INTS8: variants seen among roughly 807,000 people sequenced by gnomAD.
The protein encoded by INTS8 is protein kaonashi-1.
In INTS8, 47 loss-of-function variants were observed where a neutral mutation model predicts 138.9. That is an observed-to-expected ratio of 0.34 (90% confidence interval 0.27 to 0.43). INTS8 has a LOEUF of 0.43. INTS8 is among the 20% of genes least tolerant of loss of function. The pLI is 1.00. For synonymous variants in INTS8, 392 were observed against 400.9 expected (o/e 0.98, Z 0.27); for missense variants, 996 against 1,173.0 (o/e 0.85, Z 2.20).
chr8:94,839,465 C>T (rs534413274), intron 8 of INTS8, among the ~76,000 whole-genome samples: 5 of 152,210 alleles, frequency 3.3e-5, no homozygotes, highest in South Asian at 4.2e-4. Context: ...TTTGTGTCTC[C>T]AATTGGGTAT....
intron 1 of INTS8, 50 bp from the exon 2 acceptor site, chr8:94,824,843 C>G (rs757773142): frequency 3.2e-4 from 299 of 922,744 alleles, no homozygotes; most frequent in Middle Eastern, 2.2e-3. Context: ...CCTTTTGTAT[C>G]TACATAATTA....
At chr8:94,829,696 G>A (rs994082538) in intron 5 of INTS8, among the ~76,000 whole-genome samples, 11 of 152,040 alleles carry the variant, frequency 7.2e-5, no homozygotes, top group African/African-American at 2.4e-4. Flanking sequence ...TTTACTATTA[G>A]GATATAGGTA....
At chr8:94,861,103 C>A (rs1815953873) in intron 16 of INTS8, among the ~76,000 whole-genome samples, 1 of 150,296 alleles carries the variant, frequency 6.7e-6, no homozygotes, top group Non-Finnish European at 1.5e-5. Context: ...TTTCTGGGAA[C>A]TTTTGTAAAA....
chr8:94,859,484 C>T, intron 15 of INTS8, 27 bp from the exon 16 acceptor site: 1 of 1,604,770 alleles, frequency 6.2e-7, no homozygotes, highest in Non-Finnish European at 8.5e-7. Context: ...GATGGTAATT[C>T]CAACTGTTTT....
intron 1 of INTS8, 79 bp downstream of exon 1, chr8:94,823,640 T>C: frequency 8.3e-7 from 1 of 1,208,110 alleles, no homozygotes; most frequent in Non-Finnish European, 1.1e-6. Context: ...CTCCCCGCCT[T>C]CTCGGTCACC....
At chr8:94,876,834 G>A (rs1240952664) in intron 26 of INTS8, among the ~76,000 whole-genome samples, 1 of 152,078 alleles carries the variant, frequency 6.6e-6, no homozygotes, top group African/African-American at 2.4e-5. Context: ...TGCTACACCA[G>A]TACCCCTCCT....
At chr8:94,833,952 A>T (rs1342493376) in intron 6 of INTS8, among the ~76,000 whole-genome samples, 2 of 152,022 alleles carry the variant, frequency 1.3e-5, no homozygotes, top group African/African-American at 4.8e-5. Context: ...TTGTATTTTT[A>T]GTAGAGATGG....
chr8:94,849,550 CT>C lies in INTS8; in HGVS notation c.1331+24del. On this transcript the variant is annotated intron_variant, in intron 11 of 26. Transcript: ENST00000523731. ...TTTCTAAAGTAAGTACCTTTCTTTT[CT>C]TTTTTCTTTTTTTTTTTAACTTTGA... 1.5e-6 allele frequency: 2 copies of C among 1,375,926 alleles called. No individual in the cohort carries two copies. The highest frequency in any genetic ancestry group is 2.0e-6 in the Non-Finnish European group (2 of 997,046). 85.2% of individuals were successfully genotyped at this position (1,375,926 alleles called of 1,614,324 possible). A position where few individuals can be genotyped will look rare whatever the true frequency, so the allele number is the denominator to read the frequency against.
At chr8:94,823,931 G>A (rs1444333867) in intron 1 of INTS8, among the ~76,000 whole-genome samples, 1 of 152,224 alleles carries the variant, frequency 6.6e-6, no homozygotes, top group Admixed American at 6.5e-5. Flanking sequence ...ATAAATTCAG[G>A]GAGCTGGGGA....
In INTS8 at chr8:94,838,988, C is replaced by T. The variant is rs1308646341; in HGVS notation, c.1017+370C>T. On this transcript the variant is annotated intron_variant, in intron 8 of 26. Coordinates refer to ENST00000523731, the MANE Select transcript of INTS8 (RefSeq NM_017864.4). ...GTTGTGTGTGTGTGCATTTGTTTAGCAGCTGGGATTGTTGGCTGCTAAGAT... is the reference window on the plus strand; with the variant it reads ...GTTGTGTGTGTGTGCATTTGTTTAGTAGCTGGGATTGTTGGCTGCTAAGAT... 2.6e-5 allele frequency among the ~76,000 whole-genome samples: 4 copies of T among 152,198 alleles called. No individual in the cohort carries two copies. The East Asian group carries it at 7.7e-4, about 29-fold the overall frequency.
intron 20 of INTS8, among the ~76,000 whole-genome samples, chr8:94,868,062 C>T (rs558245001): frequency 4.5e-4 from 68 of 152,258 alleles, no homozygotes; most frequent in African/African-American, 1.5e-3. Flanking sequence ...CTTTTAGTTG[C>T]TGTAGGAACT....
intron 11 of INTS8, 96 bp from the exon 12 acceptor site, chr8:94,849,820 G>T: frequency 1.2e-6 from 1 of 847,008 alleles, no homozygotes. Context: ...TGTAATGGTG[G>T]CTTTTTAAAT....
At chr8:94,870,110 A>G (rs890516745) in intron 20 of INTS8, among the ~76,000 whole-genome samples, 23 of 150,708 alleles carry the variant, frequency 1.5e-4, no homozygotes, top group Non-Finnish European at 2.4e-4. Context: ...GGAGTGCAGT[A>G]GCGCGATCTT....
rs1050845954 is a variant in INTS8, at chr8:94,881,541, C to CACTTTACAGAA, written c.*1308_*1309insCTTTACAGAAA. On this transcript the variant is annotated 3_prime_UTR_variant, in exon 27 of 27. Coordinates refer to ENST00000523731, the MANE Select transcript of INTS8 (RefSeq NM_017864.4). ...GTGAATTGGCTAGGGCAATCAATCA[C>CACTTTACAGAA]AGCACTACTTTCTGTAAAACTTTAG... 59 of 1,335,166 alleles carry CACTTTACAGAA rather than the reference C, an allele frequency of 4.4e-5. No homozygotes were observed. The highest frequency in any genetic ancestry group is 5.9e-5 in the Non-Finnish European group (57 of 961,938). The allele number at this position is 1,335,166 out of a possible 1,614,324, so 82.7% of individuals were successfully genotyped here. A position where few individuals can be genotyped will look rare whatever the true frequency, so the allele number is the denominator to read the frequency against.
intron 5 of INTS8, among the ~76,000 whole-genome samples, chr8:94,831,482 C>CTT (rs11482467): frequency 0.012 from 1,495 of 121,550 alleles, 38 homozygotes; most frequent in African/African-American, 0.025. Flanking sequence ...TTGTCTTTTT[C>CTT]TTTTTTTTTT....
chr8:94,865,200 G>T (rs781549936), intron 16 of INTS8, among the ~76,000 whole-genome samples: 2 of 149,330 alleles, frequency 1.3e-5, no homozygotes, highest in Non-Finnish European at 3.0e-5. Context: ...TTAGCAACTC[G>T]TTTTTTTTTC....
At chr8:94,847,451 T>G (rs1008121336) in intron 10 of INTS8, among the ~76,000 whole-genome samples, 5 of 152,164 alleles carry the variant, frequency 3.3e-5, no homozygotes. Context: ...TGGAAAAGTT[T>G]GTGTAAAAAT....
At chr8:94,840,330 C>G (rs1179312544) in intron 8 of INTS8, among the ~76,000 whole-genome samples, 2 of 152,148 alleles carry the variant, frequency 1.3e-5, no homozygotes, top group Non-Finnish European at 2.9e-5. Context: ...TATGTCAGTA[C>G]TTTTCTGGTA....
rs1176039766 is a variant in INTS8, at chr8:94,851,626, A to G, written c.1581A>G (p.Gln527=). The G allele has an allele frequency of 2.5e-6, 4 of 1,603,980 alleles. No individual in the cohort carries two copies. Among genetic ancestry groups the G allele is most frequent in the Non-Finnish European group, 2.6e-6 (3 of 1,176,458 alleles). The change falls in exon 13 of 27, where the codon CAA becomes CAG. Residue 527 remains glutamine, a synonymous_variant. Coordinates refer to ENST00000523731, the MANE Select transcript of INTS8 (RefSeq NM_017864.4). The part of the protein sequence containing the change: ...ILSVDPWRIR[Q]ILIELHGMTS... ...CAGTGGATCCTTGGAGGATTAGACA[A>G]ATTTTAATTGAATTACATGGTATGA... is the stretch of plus-strand genomic sequence containing the variant.
Sources: allele counts gnomAD v4.1 joint callset (sites outside exome capture counted in the v4.1 genomes callset), GRCh38; gene constraint gnomAD v4.1.1; transcripts MANE v1.5; gene names NCBI Gene and HGNC (gene_info 2026-07-23, HGNC 2026-07-21).